Variants in FYB1 observed in about 807,000 individuals in gnomAD.
FYB1 encodes FYN binding protein 1, also known as FYN-binding protein 1.
A neutral mutation model predicts 94.1 loss-of-function variants in FYB1; 41 were observed. The ratio of observed to expected loss-of-function variants is 0.44; its 90% confidence interval spans 0.34 to 0.57. The LOEUF (loss-of-function observed/expected upper bound fraction) is 0.57. FYB1 is among the 20% of genes least tolerant of loss of function. FYB1 has a pLI of 0.02. For missense variants in FYB1, 1,050 were observed against 976.8 expected (o/e 1.07, Z -1.00); for synonymous variants, 367 against 353.2 (o/e 1.04, Z -0.44).
At chr5:39,262,930 A>T (rs755331960) in intron 1 of FYB1, among the ~76,000 whole-genome samples, 1 of 152,214 alleles carries the variant, frequency 6.6e-6, no homozygotes. Context: ...GGCACTTTAA[A>T]AATAGTTGTT....
intron 1 of FYB1, among the ~76,000 whole-genome samples, chr5:39,255,713 G>T (rs780051736): frequency 4.6e-5 from 7 of 152,084 alleles, no homozygotes. Flanking sequence ...AAAGCCAAAG[G>T]GAAACTATCT....
chr5:39,106,927 A>T lies in FYB1; in HGVS notation c.*516T>A, dbSNP rs1203595666. ...TGAAAACATTTAACCCACTAGCAAG[A>T]GGTAAGACAGCACTGCCTTTTTAAA... is the stretch of plus-strand genomic sequence containing the variant. On this transcript the variant is annotated 3_prime_UTR_variant, in exon 19 of 19. Transcript: ENST00000512982. 1 of 152,104 alleles carries T rather than the reference A, an allele frequency of 6.6e-6. No individual in the cohort carries two copies. The highest frequency in any genetic ancestry group is 1.5e-5 in the Non-Finnish European group (1 of 67,946). The allele number at this position is 152,104 out of a possible 1,614,324, so 9.4% of individuals were successfully genotyped here.
chr5:39,261,639 A>G (rs834520), intron 1 of FYB1, among the ~76,000 whole-genome samples: 22,141 of 151,992 alleles, frequency 0.15, 2,511 homozygotes, highest in African/African-American at 0.31. Flanking sequence ...CCCAGCTACT[A>G]GGGAGGCTGA....
At chr5:39,226,650 T>C (rs981215008) in intron 1 of FYB1, among the ~76,000 whole-genome samples, 6 of 152,224 alleles carry the variant, frequency 3.9e-5, no homozygotes, top group Non-Finnish European at 8.8e-5. Context: ...TTCATTCTAC[T>C]AGATCTTGTC....
chr5:39,222,510 T>C (rs1410170273), upstream of FYB1, among the ~76,000 whole-genome samples: 1 of 152,216 alleles, frequency 6.6e-6, no homozygotes, highest in Non-Finnish European at 1.5e-5. Context: ...AGTATATACA[T>C]TTTTAAAAGT....
chr5:39,185,838 T>C (rs1173233125), intron 2 of FYB1, among the ~76,000 whole-genome samples: 1 of 151,872 alleles, frequency 6.6e-6, no homozygotes, highest in Non-Finnish European at 1.5e-5. Context: ...TGGAGAATAT[T>C]GGGAGCAGGT....
intron 2 of FYB1, among the ~76,000 whole-genome samples, chr5:39,196,173 G>A (rs1529506): frequency 0.5 from 74,744 of 150,970 alleles, 20,462 homozygotes; most frequent in South Asian, 0.75. Flanking sequence ...AACAAAATCT[G>A]GGAGTAAATA....
At chr5:39,200,051 G>T (rs932984905) in intron 2 of FYB1, among the ~76,000 whole-genome samples, 4 of 152,128 alleles carry the variant, frequency 2.6e-5, no homozygotes, top group African/African-American at 9.7e-5. Flanking sequence ...ACATCTCAAG[G>T]CATCAGATGT....
chr5:39,189,182 C>G (rs1456131244), intron 2 of FYB1, among the ~76,000 whole-genome samples: 1 of 150,836 alleles, frequency 6.6e-6, no homozygotes, highest in Non-Finnish European at 1.5e-5. Flanking sequence ...CAGGAAAGAA[C>G]CTGAAAGCTT....
intron 2 of FYB1, among the ~76,000 whole-genome samples, chr5:39,159,610 A>G (rs1018313857): frequency 2.0e-5 from 3 of 152,188 alleles, no homozygotes; most frequent in East Asian, 3.8e-4. Flanking sequence ...TACTAAGAAC[A>G]TGGAGAATGC....
intron 2 of FYB1, among the ~76,000 whole-genome samples, chr5:39,177,175 G>T (rs142928545): frequency 5.9e-5 from 9 of 152,262 alleles, no homozygotes; most frequent in African/African-American, 1.9e-4. Flanking sequence ...GTAACATCAT[G>T]CAGTGGCCCC....
At chr5:39,199,264 C>T (rs1748106462) in intron 2 of FYB1, among the ~76,000 whole-genome samples, 1 of 152,006 alleles carries the variant, frequency 6.6e-6, no homozygotes. Context: ...CATATACTTT[C>T]TAATTCTGAT....
rs374642042 is a variant in FYB1 at position 39,127,745 on chromosome 5, C to G, written c.1903G>C (p.Asp635His). The G allele has an allele frequency of 1.2e-5, 20 of 1,600,510 alleles. No homozygotes were observed. The highest frequency in any genetic ancestry group is 5.4e-5 in the African/African-American group (4 of 74,230). ...CAGTTCACTGATTATTCTTACCCAT[C>G]ATCAGCATCTTCCTCTTCAATCCCA... ...YDGIEEEDAD[D>H]GSTLQVQEKS... is the part of the protein sequence containing the mutation. Residue 635 changes from aspartate (D) to histidine (H), a missense_variant, in exon 11 of 19, where the codon GAT becomes CAT. Transcript: ENST00000512982.
At chr5:39,153,638 G>C in intron 2 of FYB1, 34 bp from the exon 3 acceptor site, 1 of 1,554,242 alleles carries the variant, frequency 6.4e-7, no homozygotes, top group Non-Finnish European at 8.7e-7. Flanking sequence ...CATGAATTAA[G>C]ACAAATCTTC....
chr5:39,120,341 C>G (rs924107039), intron 14 of FYB1, among the ~76,000 whole-genome samples: 1 of 151,742 alleles, frequency 6.6e-6, no homozygotes, highest in Non-Finnish European at 1.5e-5. Context: ...AATGGACTTA[C>G]TTTTTTTAAA....
At chr5:39,118,071 T>G (rs573861527) in intron 16 of FYB1, among the ~76,000 whole-genome samples, 3 of 152,052 alleles carry the variant, frequency 2.0e-5, no homozygotes, top group Non-Finnish European at 4.4e-5. Context: ...TGGCTAAATT[T>G]TCTTTGATTT....
At chr5:39,240,918 C>T (rs1283153958) in intron 1 of FYB1, among the ~76,000 whole-genome samples, 1 of 152,134 alleles carries the variant, frequency 6.6e-6, no homozygotes, top group South Asian at 2.1e-4. Context: ...ACAGAGTCAA[C>T]CTGAACACCA....
chr5:39,151,252 G>A (rs1205576767), intron 3 of FYB1, among the ~76,000 whole-genome samples: 1 of 152,150 alleles, frequency 6.6e-6, no homozygotes, highest in African/African-American at 2.4e-5. Flanking sequence ...AAATATGTTA[G>A]GAAGTATCAA....
At chr5:39,246,484 A>G (rs1250709846) in intron 1 of FYB1, among the ~76,000 whole-genome samples, 1 of 152,182 alleles carries the variant, frequency 6.6e-6, no homozygotes, top group Non-Finnish European at 1.5e-5. Context: ...ACAGCATCCT[A>G]AATGTTCTTA....
Sources: allele counts gnomAD v4.1 joint callset (sites outside exome capture counted in the v4.1 genomes callset), GRCh38; gene constraint gnomAD v4.1.1; transcripts MANE v1.5; gene names NCBI Gene and HGNC (gene_info 2026-07-23, HGNC 2026-07-21).